Variants in LYPD6 observed in about 807,000 individuals in gnomAD.
LYPD6 encodes the protein ly6/PLAUR domain-containing protein 6.
Under a neutral mutation model 22.7 loss-of-function variants are expected in LYPD6, and 15 were observed. The observed-to-expected ratio is 0.66, with a 90% CI of 0.44 to 1.02. The LOEUF (loss-of-function observed/expected upper bound fraction) is 1.02, where lower values mean the gene tolerates loss of function less well. Ranked by LOEUF, LYPD6 falls within the 50% of genes least tolerant of loss-of-function variation. LYPD6 has a pLI of 0.00. For missense variants in LYPD6, 189 were observed against 208.4 expected, an observed-to-expected ratio of 0.91 and a Z score of 0.57; for synonymous variants, 72 against 77.5, an observed-to-expected ratio of 0.93 and a Z score of 0.37.
intron 2 of LYPD6, among the ~76,000 whole-genome samples, chr2:149,447,988 G>A (rs1176904922): frequency 6.6e-6 from 1 of 152,126 alleles, no homozygotes; most frequent in Non-Finnish European, 1.5e-5. Flanking sequence ...TCCCAGTGGT[G>A]ACATTTTGAA....
At chr2:149,353,553 CCTG>C (rs1347420824) in intron 1 of LYPD6, among the ~76,000 whole-genome samples, 1 of 152,124 alleles carries the variant, frequency 6.6e-6, no homozygotes, top group African/African-American at 2.4e-5. Context: ...GTGCTTTGAA[CCTG>C]TGATATATAC....
chr2:149,348,579 A>G (rs1302824059), intron 1 of LYPD6, among the ~76,000 whole-genome samples: 1 of 152,264 alleles, frequency 6.6e-6, no homozygotes, highest in Non-Finnish European at 1.5e-5. Context: ...CCAAGAAGGC[A>G]GGTAGAGCAA....
At chr2:149,368,064 C>T (rs1681720489) in intron 1 of LYPD6, 1 of 152,124 alleles carries the variant, frequency 6.6e-6, no homozygotes, top group African/African-American at 2.4e-5. Context: ...TGGAAGTGCA[C>T]AATTACCGAA....
At chr2:149,342,301 C>A (rs749001797) in intron 1 of LYPD6, among the ~76,000 whole-genome samples, 5 of 152,150 alleles carry the variant, frequency 3.3e-5, no homozygotes, top group Non-Finnish European at 7.3e-5. Flanking sequence ...GGATGGGATA[C>A]AACACCCAAA....
chr2:149,372,355 G>T (rs1391517237), intron 1 of LYPD6, among the ~76,000 whole-genome samples: 1 of 152,092 alleles, frequency 6.6e-6, no homozygotes, highest in Non-Finnish European at 1.5e-5. Context: ...TGAATTCCCT[G>T]TTTGAATTTA....
At chr2:149,421,465 A>G (rs570533753) in intron 1 of LYPD6, among the ~76,000 whole-genome samples, 17 of 151,926 alleles carry the variant, frequency 1.1e-4, no homozygotes, top group African/African-American at 4.1e-4. Context: ...ATGGAGTAAT[A>G]ATAATTACCC....
chr2:149,401,583 C>T (rs1266473509), intron 1 of LYPD6, among the ~76,000 whole-genome samples: 1 of 152,184 alleles, frequency 6.6e-6, no homozygotes, highest in Non-Finnish European at 1.5e-5. Context: ...TCCACATACA[C>T]ATTTTCTATA....
At position 149,390,346 on chromosome 2, in the gene LYPD6, G is replaced by A. The variant is rs999403162; in HGVS notation, c.-71-47292G>A. On this transcript the variant is annotated intron_variant, in intron 1 of 4. Transcript: ENST00000334166. ...GGACAGTGGCCCTTGTCCCTCAGGG[G>A]AGACCCTCCTACATGCTGTAGCTGT... 6.6e-5 allele frequency among the ~76,000 whole-genome samples: 10 copies of A among 152,130 alleles called. No individual in the cohort carries two copies. In the South Asian group the frequency reaches 2.1e-3, roughly 32 times the overall value.
chr2:149,475,349 C>T (rs911109889), downstream of LYPD6, among the ~76,000 whole-genome samples: 5 of 152,070 alleles, frequency 3.3e-5, no homozygotes, highest in Non-Finnish European at 1.5e-5. Flanking sequence ...GAACTTGGGG[C>T]AGGACTAAGG....
At chr2:149,469,102 C>T (rs1681274891) in intron 4 of LYPD6, among the ~76,000 whole-genome samples, 1 of 152,176 alleles carries the variant, frequency 6.6e-6, no homozygotes, top group Non-Finnish European at 1.5e-5. Flanking sequence ...CACAGTGAAG[C>T]TTTGCAGATG....
rs536585207 is a variant in LYPD6 at position 149,421,566 on chromosome 2, G to A, written c.-71-16072G>A. On this transcript the variant is annotated intron_variant, in intron 1 of 4. Transcript: ENST00000334166. ...TGAGCCATATGAAGTTGCTGTTTTT[G>A]TAGGTCGAAAATGATGGGATAGTGG... Among the ~76,000 whole-genome samples, 5 of 152,134 alleles carry A rather than the reference G, an allele frequency of 3.3e-5. No homozygotes were observed. The East Asian group carries it at 7.7e-4, about 24-fold the overall frequency.
chr2:149,429,703 C>T (rs1196062731), intron 1 of LYPD6, among the ~76,000 whole-genome samples: 28 of 152,194 alleles, frequency 1.8e-4, no homozygotes, highest in Non-Finnish European at 2.9e-5. Flanking sequence ...GTAAGAAGGG[C>T]TCAGCTAGGC....
rs1395938413 is a variant in LYPD6 at position 149,472,969 on chromosome 2, C to T, written c.*2119C>T. The T allele has an allele frequency of 6.6e-6, 1 of 152,484 alleles. No homozygotes were observed. Among genetic ancestry groups the T allele is most frequent in the Non-Finnish European group, 1.5e-5 (1 of 68,024 alleles). 9.4% of individuals were successfully genotyped at this position (152,484 alleles called of 1,614,324 possible). The stretch of plus-strand genomic sequence containing the variant: ...TTGCAGGATGCTATTTGCATGTGTC[C>T]CCAGGTGATGTTTTTTCTTTGGGGA... On this transcript the variant is annotated 3_prime_UTR_variant, in exon 5 of 5. Coordinates refer to ENST00000334166, the MANE Select transcript of LYPD6 (RefSeq NM_194317.5).
intron 1 of LYPD6, among the ~76,000 whole-genome samples, chr2:149,384,345 G>A (rs1682132147): frequency 6.6e-6 from 1 of 152,200 alleles, no homozygotes; most frequent in African/African-American, 2.4e-5. Flanking sequence ...GTCAGTGCCT[G>A]TAGAAAACTC....
chr2:149,403,864 A>C (rs1682624507), intron 1 of LYPD6, among the ~76,000 whole-genome samples: 1 of 152,132 alleles, frequency 6.6e-6, no homozygotes, highest in African/African-American at 2.4e-5. Context: ...TTATGGTTTT[A>C]GGTCTAACGT....
chr2:149,459,856 C>G (rs1034803646), intron 3 of LYPD6, among the ~76,000 whole-genome samples: 2 of 150,324 alleles, frequency 1.3e-5, no homozygotes, highest in Admixed American at 6.6e-5. Flanking sequence ...GAGCCAAGAT[C>G]ACACCACTGC....
intron 1 of LYPD6, chr2:149,367,733 C>T (rs535742750): frequency 1.3e-5 from 2 of 152,276 alleles, no homozygotes; most frequent in East Asian, 1.9e-4. Flanking sequence ...ACCAACCACT[C>T]TGTAAATGCA....
In LYPD6 at chr2:149,468,628, A is replaced by G. The variant is rs1350054317; in HGVS notation, c.218-17A>G. The G allele has an allele frequency of 6.2e-6, 10 of 1,609,126 alleles. No homozygotes were observed. In the East Asian group the frequency reaches 6.7e-5, roughly 11 times the overall value. ...GGTCAACATTTCCCATCTCAAATAT[A>G]TTTTCTCTGTTGACAGAGACCAGAT... On this transcript the variant is annotated splice_polypyrimidine_tract_variant and intron_variant, in intron 3 of 4. Transcript: ENST00000334166.
chr2:149,468,832 C>T lies in LYPD6; in HGVS notation c.348+57C>T, dbSNP rs1681268407. On this transcript the variant is annotated intron_variant, in intron 4 of 4. Transcript: ENST00000334166. ...CATAGCCAGCTGCCTTCTCTTCAGACATCTGCCAGTACTCATGAGCAGATT... is the reference window on the plus strand; with the variant it reads ...CATAGCCAGCTGCCTTCTCTTCAGATATCTGCCAGTACTCATGAGCAGATT... 7.6e-6 allele frequency: 12 copies of T among 1,584,160 alleles called. No homozygotes were observed. The South Asian group carries it at 1.1e-4, about 15-fold the overall frequency.
Sources: gnomAD v4.1 joint callset for allele counts (sites outside exome capture counted in the v4.1 genomes callset) on GRCh38, gnomAD v4.1.1 for gene constraint, MANE v1.5 for transcripts, NCBI Gene and HGNC (gene_info 2026-07-23, HGNC 2026-07-21) for gene names.